SIK3: variants seen among roughly 807,000 people sequenced by gnomAD.
The protein encoded by SIK3 is SIK family kinase 3.
In SIK3, 28 loss-of-function variants were observed where a neutral mutation model predicts 144.2. The observed-to-expected ratio is 0.19, with a 90% CI of 0.14 to 0.27. The LOEUF (loss-of-function observed/expected upper bound fraction) is 0.27. SIK3 is among the 10% of genes least tolerant of loss of function. The pLI is 1.00. For missense variants in SIK3, 1,319 were observed against 1,776.0 expected, an observed-to-expected ratio of 0.74 and a Z score of 4.62; for synonymous variants, 686 against 676.3, an observed-to-expected ratio of 1.01 and a Z score of -0.22.
At chr11:117,049,898 T>C (rs1042424471) in intron 1 of SIK3, among the ~76,000 whole-genome samples, 7 of 151,980 alleles carry the variant, frequency 4.6e-5, no homozygotes, top group Non-Finnish European at 1.0e-4. Context: ...AGTTCAAGTT[T>C]ATAGTGAGCT....
chr11:116,959,616 G>A (rs1949269681), intron 1 of SIK3, among the ~76,000 whole-genome samples: 1 of 152,108 alleles, frequency 6.6e-6, no homozygotes, highest in African/African-American at 2.4e-5. Context: ...GAGATCACAG[G>A]GAGTCATATA....
chr11:116,971,746 TTC>T (rs149015939), intron 1 of SIK3, among the ~76,000 whole-genome samples: 11,135 of 152,170 alleles, frequency 0.073, 732 homozygotes, highest in African/African-American at 0.18. Context: ...ACAGGAGTCT[TTC>T]TCTTTTTTTA....
Position 116,849,398 on chromosome 11 carries a change from C to T in SIK3, c.3656-115G>A, listed in dbSNP as rs969526849. The T allele has an allele frequency of 1.6e-4, 195 of 1,236,996 alleles. 1 individual carries two copies. The highest frequency in any genetic ancestry group is 2.3e-4 in the Middle Eastern group (1 of 4,370). 76.6% of individuals were successfully genotyped at this position (1,236,996 alleles called of 1,614,324 possible). On this transcript the variant is annotated intron_variant, in intron 21 of 24. Transcript: ENST00000445177. This position sits in a 1 kb window ranked among gnomAD's most constrained non-coding sequence, Gnocchi z 4.2. ...TGGGCAAGGCTGAGGAGATCATGTACACCAACCGCTGATCCTCAGCCGGCG... is the reference window on the plus strand; with the variant it reads ...TGGGCAAGGCTGAGGAGATCATGTATACCAACCGCTGATCCTCAGCCGGCG...
intron 1 of SIK3, among the ~76,000 whole-genome samples, chr11:117,057,410 T>C (rs1447186007): frequency 6.6e-6 from 1 of 152,190 alleles, no homozygotes; most frequent in East Asian, 1.9e-4. Context: ...GGGAGTTTAA[T>C]ATTTGGAAGC....
chr11:117,010,763 AT>A (rs1448960907), intron 1 of SIK3, among the ~76,000 whole-genome samples: 3 of 152,262 alleles, frequency 2.0e-5, no homozygotes, highest in East Asian at 1.9e-4. Context: ...AAAGAAAAAA[AT>A]ATATGTAAAT....
chr11:116,872,929 GA>G (rs914778009), intron 13 of SIK3, among the ~76,000 whole-genome samples: 32 of 152,164 alleles, frequency 2.1e-4, no homozygotes, highest in African/African-American at 7.5e-4. Context: ...ACCCAAGGGA[GA>G]AAAAAAATCT....
intron 3 of SIK3, among the ~76,000 whole-genome samples, chr11:116,936,062 T>A (rs1446651755): frequency 1.3e-5 from 2 of 152,120 alleles, no homozygotes; most frequent in Non-Finnish European, 2.9e-5. Flanking sequence ...ATCACTTGAG[T>A]CCAGGAGTTC....
chr11:116,890,739 G>A (rs1442874579), intron 6 of SIK3, among the ~76,000 whole-genome samples: 2 of 152,164 alleles, frequency 1.3e-5, no homozygotes, highest in Admixed American at 6.5e-5. Flanking sequence ...GAATACAGGA[G>A]TGGGTGGAGT....
At chr11:117,040,227 CAGA>C (rs1212288764) in intron 1 of SIK3, among the ~76,000 whole-genome samples, 1 of 152,162 alleles carries the variant, frequency 6.6e-6, no homozygotes, top group Non-Finnish European at 1.5e-5. Flanking sequence ...TGATAAAGAG[CAGA>C]AGAATGCTTA....
intron 1 of SIK3, among the ~76,000 whole-genome samples, chr11:117,064,973 C>A (rs977438003): frequency 6.6e-6 from 1 of 152,012 alleles, no homozygotes; most frequent in Non-Finnish European, 1.5e-5. Flanking sequence ...CATGGTGAAA[C>A]CCCATCTCCA....
chr11:116,867,733 T>G lies in SIK3; in HGVS notation c.1952+213A>C, dbSNP rs1307112669. ...GACAATAAACAGGTCTGCAAGGTAATGGGAGAGAGGAATCTCGCATTGCTC... is the reference window on the plus strand; with the variant it reads ...GACAATAAACAGGTCTGCAAGGTAAGGGGAGAGAGGAATCTCGCATTGCTC... On this transcript the variant is annotated intron_variant, in intron 15 of 24. Transcript: ENST00000445177. This position sits in a 1 kb window ranked among gnomAD's most constrained non-coding sequence, Gnocchi z 4.1. 1.9e-5 allele frequency: 8 copies of G among 426,676 alleles called. No homozygotes were observed. Among genetic ancestry groups the G allele is most frequent in the Non-Finnish European group, 3.3e-5 (8 of 242,264 alleles). 26.4% of individuals were successfully genotyped at this position (426,676 alleles called of 1,614,324 possible).
intron 1 of SIK3, among the ~76,000 whole-genome samples, chr11:117,084,391 G>T (rs76718997): frequency 6.6e-6 from 1 of 151,930 alleles, no homozygotes; most frequent in East Asian, 1.9e-4. Context: ...CAGACCTCTC[G>T]AGTAGCTAGG....
chr11:116,935,366 CA>C, intron 3 of SIK3, among the ~76,000 whole-genome samples: 1 of 151,986 alleles, frequency 6.6e-6, no homozygotes, highest in Admixed American at 6.5e-5. Context: ...TAAGCTTTTA[CA>C]AAAACACTTT....
chr11:116,949,541 T>C (rs891116885), intron 3 of SIK3, among the ~76,000 whole-genome samples: 1 of 152,154 alleles, frequency 6.6e-6, no homozygotes, highest in African/African-American at 2.4e-5. Context: ...TAAGACAGGG[T>C]CTCCCTATGT....
In SIK3 at chr11:116,924,008, G is replaced by A. The variant is rs140580585; in HGVS notation, c.616+3211C>T. Among the ~76,000 whole-genome samples, 482 of 152,270 alleles carry A rather than the reference G, an allele frequency of 3.2e-3. 4 individuals are homozygous for A. Among genetic ancestry groups the A allele is most frequent in the African/African-American group, 0.011 (461 of 41,558 alleles). On this transcript the variant is annotated intron_variant, in intron 4 of 24. Coordinates refer to ENST00000445177, the MANE Select transcript of SIK3 (RefSeq NM_001366686.3). ...TATAAAATTTCCTTAACAGCCGGGC[G>A]TGGTGGCTCACGCCTATAATCCCAG...
chr11:116,948,286 A>AT (rs901437963), intron 3 of SIK3, among the ~76,000 whole-genome samples: 10 of 146,656 alleles, frequency 6.8e-5, no homozygotes, highest in African/African-American at 1.0e-4. Context: ...AATCATTTTT[A>AT]TTTTTTTTTA....
chr11:117,022,834 TAAA>T (rs61697392), intron 1 of SIK3, among the ~76,000 whole-genome samples: 9 of 146,048 alleles, frequency 6.2e-5, no homozygotes, highest in South Asian at 2.2e-4. Flanking sequence ...GTGAAGAAGT[TAAA>T]AAAAAAAAAA....
intron 1 of SIK3, among the ~76,000 whole-genome samples, chr11:117,015,062 T>C (rs542157488): frequency 6.6e-6 from 1 of 152,140 alleles, no homozygotes; most frequent in South Asian, 2.1e-4. Flanking sequence ...AGGCCCTGTC[T>C]CCAAAATACA....
chr11:116,976,410 A>G (rs1156257459), intron 1 of SIK3, among the ~76,000 whole-genome samples: 1 of 152,264 alleles, frequency 6.6e-6, no homozygotes, highest in African/African-American at 2.4e-5. Flanking sequence ...TGCATATGGT[A>G]TAAAGCAAAG....
Sources: gnomAD v4.1 joint callset for allele counts (sites outside exome capture counted in the v4.1 genomes callset) on GRCh38, gnomAD v4.1.1 for gene constraint, Gnocchi (gnomAD v3.1) non-coding constraint, MANE v1.5 for transcripts, NCBI Gene and HGNC (gene_info 2026-07-23, HGNC 2026-07-21) for gene names.